Variants in SORL1 observed in about 807,000 individuals in gnomAD.
SORL1 encodes the protein sortilin related receptor 1.
SORL1 carries 127 observed loss-of-function variants against 273.7 expected under a neutral mutation model. The ratio of observed to expected loss-of-function variants is 0.46; its 90% CI spans 0.40 to 0.54. SORL1 has a LOEUF of 0.54. Among genes scored for constraint, SORL1 ranks in the 20% least tolerant of loss-of-function variants. SORL1 has a pLI of 0.00. For missense variants in SORL1, 2,494 were observed against 2,846.1 expected (o/e 0.88, Z 2.81); for synonymous variants, 1,031 against 1,067.4 (o/e 0.97, Z 0.66).
chr11:121,622,773 G>T (rs1280264827), intron 45 of SORL1, among the ~76,000 whole-genome samples: 1 of 152,246 alleles, frequency 6.6e-6, no homozygotes, highest in Non-Finnish European at 1.5e-5. Flanking sequence ...GTTTGGTTTT[G>T]CTATTGGTAG....
intron 6 of SORL1, 101 bp from the exon 7 acceptor site, chr11:121,512,902 A>G (rs1861899414): frequency 1.3e-6 from 1 of 793,304 alleles, no homozygotes; most frequent in African/African-American, 1.7e-5. Flanking sequence ...TTGTGTTTCC[A>G]GTAGAACTGG....
intron 12 of SORL1, among the ~76,000 whole-genome samples, chr11:121,539,037 C>G (rs1862308785): frequency 6.6e-6 from 1 of 152,162 alleles, no homozygotes; most frequent in Non-Finnish European, 1.5e-5. Flanking sequence ...TTGGCAGATT[C>G]GCCTTCCAGA....
chr11:121,578,929 G>C (rs2134939941), intron 25 of SORL1, among the ~76,000 whole-genome samples: 1 of 152,328 alleles, frequency 6.6e-6, no homozygotes, highest in East Asian at 1.9e-4. Context: ...AGCTGCCGTT[G>C]GCACAGGAAA....
intron 5 of SORL1, 119 bp downstream of exon 5, chr11:121,490,229 T>A: frequency 1.4e-6 from 1 of 696,368 alleles, no homozygotes; most frequent in Non-Finnish European, 2.6e-6. Flanking sequence ...AGGAAATACA[T>A]TTTTCCAGAT....
Position 121,554,034 on chromosome 11 carries a change from G to A in SORL1, c.2364G>A (p.Arg788=). ...AGCAGTTGCCTCTCACCGGGCTACG[G>A]GCAGCAGTGGCCCTGGACTTTGACT... ...ATEQLPLTGL[R]AAVALDFDYE... is the part of the protein sequence containing the mutation. Residue 788 remains arginine (R), a synonymous_variant, in exon 17 of 48, where the codon CGG becomes CGA. Coordinates refer to ENST00000260197, the MANE Select transcript of SORL1 (RefSeq NM_003105.6). This position sits in a 1 kb window ranked among gnomAD's most constrained non-coding sequence, Gnocchi z 4.6. 1 of 1,614,206 alleles carries A rather than the reference G, an allele frequency of 6.2e-7. No homozygotes were observed. The highest frequency in any genetic ancestry group is 8.5e-7 in the Non-Finnish European group (1 of 1,180,024).
chr11:121,607,429 AC>A (rs1407675060), intron 37 of SORL1, 139 bp downstream of exon 37: 1 of 507,130 alleles, frequency 2.0e-6, no homozygotes, highest in East Asian at 3.0e-5. Flanking sequence ...TTGCCCTGGG[AC>A]GGGGGAGCTC....
intron 27 of SORL1, among the ~76,000 whole-genome samples, chr11:121,586,699 G>GTA (rs1863118579): frequency 4.8e-4 from 5 of 10,520 alleles, no homozygotes. Context: ...AGAGTGGGGG[G>GTA]GGGGGCGGGG....
At chr11:121,540,892 T>C (rs1294089150) in intron 12 of SORL1, among the ~76,000 whole-genome samples, 2 of 152,236 alleles carry the variant, frequency 1.3e-5, no homozygotes, top group African/African-American at 2.4e-5. Context: ...AGATAGACTT[T>C]AGCATTACCA....
chr11:121,483,089 T>G (rs968557324), intron 3 of SORL1, among the ~76,000 whole-genome samples: 1 of 152,206 alleles, frequency 6.6e-6, no homozygotes, highest in Admixed American at 6.5e-5. Context: ...GTTATTTGCT[T>G]ACTTAATAAT....
rs534573609 is a variant in SORL1 at position 121,507,867 on chromosome 11, C to G, written c.940-5136C>G. 1.2e-4 allele frequency among the ~76,000 whole-genome samples: 18 copies of G among 151,986 alleles called. No homozygotes were observed. In the South Asian group the frequency reaches 3.7e-3, roughly 32 times the overall value. ...GTCCTGTGATTTTTTTTGTTGAAAA[C>G]TGGACATTTTAAATGGTGTGGTACC... is the stretch of plus-strand genomic sequence containing the variant. On this transcript the variant is annotated intron_variant, in intron 6 of 47. Coordinates refer to ENST00000260197, the MANE Select transcript of SORL1 (RefSeq NM_003105.6).
rs1861140008 is a variant in SORL1 at position 121,469,619 on chromosome 11, A to AT, written c.286-380dup. ...AGCATGTGATCTTTCTGGCCTATGA[A>AT]TTTTTTTTGAACAAGGGCAATGTTT... On this transcript the variant is annotated intron_variant, in intron 1 of 47. Transcript: ENST00000260197. 2.6e-5 allele frequency among the ~76,000 whole-genome samples: 4 copies of AT among 152,066 alleles called. No individual in the cohort carries two copies. In the South Asian group the frequency reaches 6.2e-4, roughly 24 times the overall value.
intron 1 of SORL1, among the ~76,000 whole-genome samples, chr11:121,462,347 GT>G (rs1053675108): frequency 6.6e-6 from 1 of 152,040 alleles, no homozygotes; most frequent in African/African-American, 2.4e-5. Context: ...TTAGGTCTGG[GT>G]CCATGTTCTC....
intron 39 of SORL1, chr11:121,611,409 T>C: frequency 2.8e-6 from 1 of 354,260 alleles, no homozygotes. Context: ...AATTAAATGG[T>C]TCACAGCTAC....
intron 6 of SORL1, among the ~76,000 whole-genome samples, chr11:121,497,559 A>G (rs1398914762): frequency 1.3e-5 from 2 of 152,220 alleles, no homozygotes. Flanking sequence ...AGCTGTCAGT[A>G]AGTAGCTTAA....
chr11:121,455,985 T>G (rs1591541136), intron 1 of SORL1, among the ~76,000 whole-genome samples: 1 of 140,256 alleles, frequency 7.1e-6, no homozygotes, highest in Admixed American at 7.3e-5. Flanking sequence ...AGAGTGAGAC[T>G]CCATCTAAAA....
rs898332213 is a variant in SORL1 at position 121,520,783 on chromosome 11, A to G, written c.1338A>G (p.Lys446=). ...TGAGATCGGTCATCACCTTTGACAA[A>G]GGGGGAACCTGGGAGTTTCTTCAGG... The part of the protein sequence containing the change: ...ENMRSVITFD[K]GGTWEFLQAP... The change falls in exon 9 of 48, where the codon AAA becomes AAG. Residue 446 remains lysine (K), a synonymous_variant. Coordinates refer to ENST00000260197, the MANE Select transcript of SORL1 (RefSeq NM_003105.6). The G allele has an allele frequency of 6.2e-7, 1 of 1,612,850 alleles. No individual in the cohort carries two copies. The highest frequency in any genetic ancestry group is 8.5e-7 in the Non-Finnish European group (1 of 1,179,484).
intron 14 of SORL1, 141 bp downstream of exon 14, chr11:121,545,570 G>A (rs1391146193): frequency 2.6e-6 from 2 of 782,652 alleles, no homozygotes; most frequent in African/African-American, 1.7e-5. Flanking sequence ...CATCTTTTAT[G>A]TGCCAGGAAC....
chr11:121,545,804 G>C (rs1370019007), intron 14 of SORL1, among the ~76,000 whole-genome samples: 1 of 152,104 alleles, frequency 6.6e-6, no homozygotes, highest in Non-Finnish European at 1.5e-5. Flanking sequence ...GAAACGAGGG[G>C]ATGTTAGTGT....
chr11:121,604,320 C>T lies in SORL1; in HGVS notation c.4647C>T (p.Cys1549=), dbSNP rs1863436016. The change falls in exon 33 of 48, where the codon TGC becomes TGT. Residue 1549 remains cysteine (C), a synonymous_variant. Coordinates refer to ENST00000260197, the MANE Select transcript of SORL1 (RefSeq NM_003105.6). ...CGGACGAGAGCGATGAAAAGGCCTG[C>T]AGTGGTGAGTGCCGGTCCACGGGCT... ...DCSDESDEKA[C]SDELTVYKVQ... is the part of the protein sequence containing the mutation. 6.2e-7 allele frequency: 1 copy of T among 1,613,382 alleles called. No homozygotes were observed.
Sources: allele counts gnomAD v4.1 joint callset (sites outside exome capture counted in the v4.1 genomes callset), GRCh38; gene constraint gnomAD v4.1.1; non-coding constraint Gnocchi (gnomAD v3.1); transcripts MANE v1.5; gene names NCBI Gene and HGNC (gene_info 2026-07-23, HGNC 2026-07-21).